The following NCAM2 variants were observed in gnomAD, a reference collection of about 807,000 sequenced individuals.
NCAM2 encodes neural cell adhesion molecule 2, also known as N-CAM-2.
NCAM2 carries 30 observed loss-of-function variants against 98.1 expected under a neutral mutation model. The observed-to-expected ratio is 0.31, with a 90% CI of 0.23 to 0.41. The LOEUF (loss-of-function observed/expected upper bound fraction) is 0.41. Ranked by LOEUF, NCAM2 falls within the 10% of genes least tolerant of loss-of-function variation. The pLI is 1.00. For synonymous variants in NCAM2, 368 were observed against 342.4 expected, an observed-to-expected ratio of 1.07 and a Z score of -0.83; for missense variants, 867 against 1,005.8, an observed-to-expected ratio of 0.86 and a Z score of 1.87.
chr21:21,406,370 G>A (rs1161053857), intron 9 of NCAM2, among the ~76,000 whole-genome samples: 1 of 152,152 alleles, frequency 6.6e-6, no homozygotes, highest in Non-Finnish European at 1.5e-5. Flanking sequence ...GACCACAATT[G>A]TGTTGAATGA....
intron 9 of NCAM2, among the ~76,000 whole-genome samples, chr21:21,397,438 C>T (rs978706328): frequency 5.9e-5 from 9 of 152,188 alleles, no homozygotes; most frequent in Non-Finnish European, 1.3e-4. Flanking sequence ...CAGCCTCCCT[C>T]CTATGCTCCT....
chr21:21,412,339 T>C lies in NCAM2; in HGVS notation c.1383+1878T>C, dbSNP rs530394906. Reference sequence around the variant, plus strand: ...CCTCGTTTAACCTTAATTACCTTCTTAAAGATCCTATCTCCAAATTCATTC... The same window carrying C: ...CCTCGTTTAACCTTAATTACCTTCTCAAAGATCCTATCTCCAAATTCATTC... On this transcript the variant is annotated intron_variant, in intron 10 of 17. Transcript: ENST00000400546. 3.9e-4 allele frequency among the ~76,000 whole-genome samples: 60 copies of C among 152,320 alleles called. No homozygotes were observed. In the South Asian group the frequency reaches 0.012, roughly 32 times the overall value.
intron 1 of NCAM2, among the ~76,000 whole-genome samples, chr21:21,231,604 A>G (rs1382074829): frequency 2.0e-5 from 3 of 151,340 alleles, no homozygotes; most frequent in African/African-American, 4.8e-5. Context: ...GGGGCAAAAT[A>G]TAGGAGAGTT....
intron 1 of NCAM2, among the ~76,000 whole-genome samples, chr21:21,278,250 C>T (rs1367701622): frequency 6.6e-6 from 1 of 151,870 alleles, no homozygotes; most frequent in African/African-American, 2.4e-5. Flanking sequence ...TTATAAAATC[C>T]ATGCCCTACT....
chr21:21,008,059 G>T (rs1478627351), intron 1 of NCAM2, among the ~76,000 whole-genome samples: 1 of 152,072 alleles, frequency 6.6e-6, no homozygotes, highest in Non-Finnish European at 1.5e-5. Flanking sequence ...CAGTAACTTT[G>T]TAAGTATCAT....
intron 5 of NCAM2, among the ~76,000 whole-genome samples, chr21:21,298,082 C>T (rs1387018376): frequency 6.6e-6 from 1 of 151,580 alleles, no homozygotes; most frequent in Non-Finnish European, 1.5e-5. Flanking sequence ...TCTCAGTAAC[C>T]CCCAGGCAGT....
intron 5 of NCAM2, among the ~76,000 whole-genome samples, chr21:21,302,037 T>C (rs1360895590): frequency 1.4e-5 from 2 of 147,104 alleles, no homozygotes; most frequent in Non-Finnish European, 3.0e-5. Context: ...GTTCAACCAT[T>C]GTGGAAGTCA....
chr21:21,102,299 C>T (rs1311276378), intron 1 of NCAM2, among the ~76,000 whole-genome samples: 2 of 151,914 alleles, frequency 1.3e-5, no homozygotes, highest in African/African-American at 4.8e-5. Context: ...AAAAAAAGTA[C>T]AATTTTTACT....
chr21:21,389,575 T>A (rs1030952249), intron 9 of NCAM2, among the ~76,000 whole-genome samples: 4 of 152,188 alleles, frequency 2.6e-5, no homozygotes, highest in Admixed American at 1.3e-4. Context: ...CAATCTCTCT[T>A]CATTTTTCCC....
In NCAM2 at chr21:21,264,970, CACA is replaced by C; in HGVS notation, c.56-15607_56-15605del. ...ATATATATGTGTATGTGTATATATA[CACA>C]TATATATTATATATGTGTATGTGTA... On this transcript the variant is annotated intron_variant, in intron 1 of 17. Coordinates refer to ENST00000400546, the MANE Select transcript of NCAM2 (RefSeq NM_004540.5). Among the ~76,000 whole-genome samples the C allele has an allele frequency of 1.6e-5, 2 of 123,420 alleles. 1 individual carries two copies. The highest frequency in any genetic ancestry group is 3.4e-5 in the Non-Finnish European group (2 of 58,752). 81.0% of individuals were successfully genotyped at this position (123,420 alleles called of 152,430 possible). A position where few individuals can be genotyped will look rare whatever the true frequency, so the allele number is the denominator to read the frequency against.
At chr21:21,491,984 G>A (rs961478742) in intron 15 of NCAM2, among the ~76,000 whole-genome samples, 4 of 151,178 alleles carry the variant, frequency 2.6e-5, no homozygotes, top group African/African-American at 9.7e-5. Flanking sequence ...TCAAATGGAG[G>A]GTATCTTGGA....
intron 1 of NCAM2, among the ~76,000 whole-genome samples, chr21:21,246,907 G>A (rs2071291223): frequency 6.6e-6 from 1 of 152,086 alleles, no homozygotes; most frequent in Non-Finnish European, 1.5e-5. Flanking sequence ...GTAAATTATG[G>A]GCTAGCATGT....
intron 12 of NCAM2, among the ~76,000 whole-genome samples, chr21:21,459,559 ATTG>A (rs973735356): frequency 1.3e-5 from 2 of 148,598 alleles, no homozygotes; most frequent in Non-Finnish European, 3.0e-5. Flanking sequence ...AATATAGGAT[ATTG>A]TTATATATTT....
chr21:21,396,608 G>C (rs2076513542), intron 9 of NCAM2, among the ~76,000 whole-genome samples: 2 of 152,160 alleles, frequency 1.3e-5, no homozygotes, highest in Non-Finnish European at 2.9e-5. Flanking sequence ...TGTATCAGTG[G>C]GCGAGTGCAG....
At chr21:21,318,571 A>G (rs1352358319) in intron 5 of NCAM2, among the ~76,000 whole-genome samples, 1 of 152,154 alleles carries the variant, frequency 6.6e-6, no homozygotes, top group Non-Finnish European at 1.5e-5. Flanking sequence ...TACTTCTCTG[A>G]TTATAAAAAT....
chr21:21,244,458 C>G (rs907520973), intron 1 of NCAM2, among the ~76,000 whole-genome samples: 1 of 151,952 alleles, frequency 6.6e-6, no homozygotes, highest in African/African-American at 2.4e-5. Flanking sequence ...ATCGATAATA[C>G]GAAGTTTTCA....
At chr21:21,337,144 G>A (rs1324862379) in intron 7 of NCAM2, among the ~76,000 whole-genome samples, 1 of 152,070 alleles carries the variant, frequency 6.6e-6, no homozygotes, top group African/African-American at 2.4e-5. Flanking sequence ...ATAGTATTGT[G>A]TGAGATTATT....
intron 15 of NCAM2, among the ~76,000 whole-genome samples, chr21:21,493,633 C>T (rs1987002629): frequency 6.6e-6 from 1 of 151,826 alleles, no homozygotes; most frequent in Non-Finnish European, 1.5e-5. Context: ...TTAATAATGA[C>T]CTGTATCCAC....
At chr21:21,019,312 T>C (rs1174020788) in intron 1 of NCAM2, among the ~76,000 whole-genome samples, 1 of 152,234 alleles carries the variant, frequency 6.6e-6, no homozygotes, top group Admixed American at 6.5e-5. Flanking sequence ...TATTTTTATT[T>C]GTAGAGATGC....
Sources: gnomAD v4.1 joint callset for allele counts (sites outside exome capture counted in the v4.1 genomes callset) on GRCh38, gnomAD v4.1.1 for gene constraint, MANE v1.5 for transcripts, NCBI Gene and HGNC (gene_info 2026-07-23, HGNC 2026-07-21) for gene names.